TENM1: variants seen among roughly 807,000 people sequenced by gnomAD.
The protein encoded by TENM1 is teneurin-1.
In TENM1, 35 loss-of-function variants were observed where a neutral mutation model predicts 174.8. The observed-to-expected ratio is 0.20, with a 90% confidence interval of 0.15 to 0.27. TENM1 has a LOEUF of 0.27. TENM1 is among the 10% of genes least tolerant of loss of function. The probability of loss-of-function intolerance (pLI) is 1.00; values close to 1 mark genes in which losing one functional copy is unlikely to be tolerated. For synonymous variants in TENM1, 781 were observed against 798.7 expected, an observed-to-expected ratio of 0.98 and a Z score of 0.37; for missense variants, 1,633 against 2,130.1, an observed-to-expected ratio of 0.77 and a Z score of 4.59.
chrX:124,962,799 C>T (rs1230450885), intron 1 of TENM1, among the ~76,000 whole-genome samples: 4 of 110,888 alleles, frequency 3.6e-5, no homozygotes, highest in East Asian at 5.7e-4. Flanking sequence ...GACTGGGCAA[C>T]AGAGTGAGAT....
At chrX:124,599,210 G>A (rs1443213337) in intron 11 of TENM1, among the ~76,000 whole-genome samples, 1 of 111,427 alleles carries the variant, frequency 9.0e-6, no homozygotes, top group African/African-American at 3.3e-5. Flanking sequence ...CAGATAAAGA[G>A]TGCAAAGGAT....
At chrX:124,538,510 C>T (rs756845741) in intron 15 of TENM1, among the ~76,000 whole-genome samples, 1 of 111,501 alleles carries the variant, frequency 9.0e-6, no homozygotes, top group African/African-American at 3.3e-5. Flanking sequence ...AGAGCTTACC[C>T]GATTCTTAGT....
chrX:124,983,004 C>T, the TENM1 span, among the ~76,000 whole-genome samples: 1 of 111,803 alleles, frequency 8.9e-6, no homozygotes, highest in Non-Finnish European at 1.9e-5. Context: ...ATCTACCTTG[C>T]AATGTTGATG....
chrX:124,946,005 C>T (rs1232907383), intron 1 of TENM1, among the ~76,000 whole-genome samples: 1 of 111,684 alleles, frequency 9.0e-6, no homozygotes, highest in African/African-American at 3.3e-5. Flanking sequence ...ATGAATGATT[C>T]TTTCTCTTCT....
At chrX:124,418,738 T>C (rs889988184) in intron 25 of TENM1, among the ~76,000 whole-genome samples, 1 of 112,318 alleles carries the variant, frequency 8.9e-6, no homozygotes, top group Non-Finnish European at 1.9e-5. Context: ...ACTTCAGCCA[T>C]CTCTTGCTGG....
the TENM1 span, among the ~76,000 whole-genome samples, chrX:125,139,860 A>G: frequency 3.2e-5 from 2 of 62,127 alleles, no homozygotes; most frequent in Admixed American, 1.8e-4. Context: ...ACACACACGG[A>G]GAGAGAGAGA....
intron 11 of TENM1, among the ~76,000 whole-genome samples, chrX:124,640,683 C>T (rs975848451): frequency 9.0e-6 from 1 of 111,249 alleles, no homozygotes; most frequent in African/African-American, 3.3e-5. Flanking sequence ...GGATCCTGGC[C>T]GGTGCAGTGG....
At chrX:125,158,026 C>T in the TENM1 span, among the ~76,000 whole-genome samples, 1 of 111,334 alleles carries the variant, frequency 9.0e-6, no homozygotes, top group Non-Finnish European at 1.9e-5. Context: ...AAAACAGAGA[C>T]ATCAAATTTA....
chrX:124,683,600 T>G (rs746532721), intron 5 of TENM1, among the ~76,000 whole-genome samples: 1 of 112,140 alleles, frequency 8.9e-6, no homozygotes, highest in South Asian at 3.7e-4. Context: ...AATCTTTTTA[T>G]AATGACACTT....
upstream of TENM1, among the ~76,000 whole-genome samples, chrX:124,967,945 T>C (rs112964155): frequency 4.9e-3 from 550 of 112,009 alleles, 3 homozygotes; most frequent in African/African-American, 0.017. Context: ...ATTAGTGGAC[T>C]AGATACTGGA....
chrX:125,142,015 T>C, the TENM1 span, among the ~76,000 whole-genome samples: 1 of 111,897 alleles, frequency 8.9e-6, no homozygotes, highest in African/African-American at 3.2e-5. Flanking sequence ...TGTTGTGAGA[T>C]TTAAATTAGA....
chrX:124,620,707 A>G, intron 11 of TENM1, among the ~76,000 whole-genome samples: 1 of 112,239 alleles, frequency 8.9e-6, no homozygotes, highest in Non-Finnish European at 1.9e-5. Flanking sequence ...TTACTACAGT[A>G]TTCTGTTTGT....
intron 27 of TENM1, among the ~76,000 whole-genome samples, chrX:124,393,945 T>A (rs1169845837): frequency 1.8e-5 from 2 of 112,613 alleles, no homozygotes; most frequent in Admixed American, 9.4e-5. Context: ...AAACTTGTGC[T>A]AAGAATTAAA....
intron 3 of TENM1, among the ~76,000 whole-genome samples, chrX:124,750,027 A>G (rs971664090): frequency 8.9e-6 from 1 of 111,757 alleles, no homozygotes; most frequent in Non-Finnish European, 1.9e-5. Flanking sequence ...TATGAAACCA[A>G]TTTTCTTTCA....
intron 3 of TENM1, among the ~76,000 whole-genome samples, chrX:124,762,158 C>G (rs138311697): frequency 8.9e-6 from 1 of 111,817 alleles, no homozygotes; most frequent in African/African-American, 3.3e-5. Context: ...TATGTCTCTT[C>G]TTAGAAGGGC....
At chrX:125,108,943 C>A in the TENM1 span, among the ~76,000 whole-genome samples, 2 of 110,776 alleles carry the variant, frequency 1.8e-5, no homozygotes, top group African/African-American at 6.6e-5. Flanking sequence ...CAAGACTGTA[C>A]TAAAGTCTCA....
chrX:124,917,250 T>A (rs893011355), intron 1 of TENM1, among the ~76,000 whole-genome samples: 4 of 111,760 alleles, frequency 3.6e-5, no homozygotes, highest in Non-Finnish European at 7.5e-5. Context: ...TTCCAGTCCA[T>A]GACTCCAACC....
chrX:125,026,159 C>T, the TENM1 span, among the ~76,000 whole-genome samples: 1 of 106,289 alleles, frequency 9.4e-6, no homozygotes, highest in Admixed American at 1.0e-4. Flanking sequence ...ATAAACAATC[C>T]TCCAGTAAAA....
chrX:125,079,894 T>C, the TENM1 span, among the ~76,000 whole-genome samples: 1 of 111,600 alleles, frequency 9.0e-6, no homozygotes, highest in Admixed American at 9.6e-5. Context: ...ACCCCATTAC[T>C]CGCCTCCAAA....
Sources: allele counts gnomAD v4.1 joint callset (sites outside exome capture counted in the v4.1 genomes callset), GRCh38; gene constraint gnomAD v4.1.1; transcripts MANE v1.5; gene names NCBI Gene and HGNC (gene_info 2026-07-23, HGNC 2026-07-21).